Variants in OSBPL9 observed in about 807,000 individuals in gnomAD.
The protein encoded by OSBPL9 is oxysterol binding protein like 9.
Under a neutral mutation model 106.6 loss-of-function variants are expected in OSBPL9, and 40 were observed. The observed-to-expected ratio is 0.38, with a 90% CI of 0.29 to 0.49. The LOEUF (loss-of-function observed/expected upper bound fraction) is 0.49. Among genes scored for constraint, OSBPL9 ranks in the 20% least tolerant of loss-of-function variants. The pLI is 0.97. For missense variants in OSBPL9, 609 were observed against 887.2 expected, an observed-to-expected ratio of 0.69 and a Z score of 3.98; for synonymous variants, 269 against 295.4, an observed-to-expected ratio of 0.91 and a Z score of 0.92.
chr1:51,601,389 G>C (rs1645324811), intron 2 of OSBPL9, among the ~76,000 whole-genome samples: 1 of 152,174 alleles, frequency 6.6e-6, no homozygotes, highest in Non-Finnish European at 1.5e-5. Flanking sequence ...GGTTCTGCAG[G>C]GCTAGCTGGA....
At chr1:51,581,063 G>A (rs1645219281) in intron 1 of OSBPL9, among the ~76,000 whole-genome samples, 1 of 146,752 alleles carries the variant, frequency 6.8e-6, no homozygotes, top group South Asian at 2.2e-4. Flanking sequence ...CCTACCTCAG[G>A]CACGTGCCAC....
In OSBPL9 at chr1:51,700,944, AT is replaced by A. The variant is rs369435948; in HGVS notation, c.242-13047del. On this transcript the variant is annotated intron_variant, in intron 3 of 23. Coordinates refer to ENST00000428468, the MANE Select transcript of OSBPL9 (RefSeq NM_024586.6). ...AGTCCTTCTACACTTATTCATTGTAATTTTTTTTTTTTGAGATGGAGTCTCC... is the reference window on the plus strand; with the variant it reads ...AGTCCTTCTACACTTATTCATTGTAATTTTTTTTTTTGAGATGGAGTCTCC... 2.6e-3 allele frequency among the ~76,000 whole-genome samples: 372 copies of A among 145,794 alleles called. 3 individuals are homozygous for A. The highest frequency in any genetic ancestry group is 8.1e-3 in the African/African-American group (325 of 39,960).
chr1:51,772,114 A>G lies in OSBPL9; in HGVS notation c.983A>G (p.Asn328Ser), dbSNP rs139175194. Reference protein sequence around the residue: ...ASVLTHSSSGNSLKRPDTTES... With the variant: ...ASVLTHSSSGSSLKRPDTTES... The stretch of plus-strand genomic sequence containing the variant: ...GTCCTGACACACAGCAGCTCGGGAA[A>G]TAGTCTAAAACGCCCAGATACCACA... Residue 328 changes from asparagine (N) to serine (S), a missense_variant, in exon 13 of 24, where the codon AAT becomes AGT. Physicochemically the swap from Asn to Ser is conservative, Grantham distance 46 (BLOSUM62 1). Transcript: ENST00000428468. 385 of 1,614,090 alleles carry G rather than the reference A, an allele frequency of 2.4e-4. 2 individuals are homozygous for G. The East Asian group carries it at 5.8e-3, about 24-fold the overall frequency.
At chr1:51,669,624 C>A (rs759377607) in intron 3 of OSBPL9, 112 bp downstream of exon 3, 3 of 950,342 alleles carry the variant, frequency 3.2e-6, no homozygotes, top group African/African-American at 3.3e-5. Flanking sequence ...CCTGCATGAA[C>A]GAGTGCATAG....
At chr1:51,724,473 C>T (rs12022926) in intron 4 of OSBPL9, among the ~76,000 whole-genome samples, 5,538 of 151,028 alleles carry the variant, frequency 0.037, 240 homozygotes, top group East Asian at 0.11. Context: ...TTAGTAGAGA[C>T]GGGGGTTCCA....
intron 3 of OSBPL9, among the ~76,000 whole-genome samples, chr1:51,688,659 TA>T (rs1654335771): frequency 6.6e-6 from 1 of 152,158 alleles, no homozygotes; most frequent in Non-Finnish European, 1.5e-5. Flanking sequence ...AAAAGAATTT[TA>T]AAAAAGTTTT....
At chr1:51,547,471 G>A in the OSBPL9 span, among the ~76,000 whole-genome samples, 134 of 152,136 alleles carry the variant, frequency 8.8e-4, no homozygotes, top group Non-Finnish European at 1.1e-3. Flanking sequence ...TATAAGAACA[G>A]ATACAAATAA....
chr1:51,667,701 T>G (rs1557663302), intron 2 of OSBPL9, among the ~76,000 whole-genome samples: 1 of 152,210 alleles, frequency 6.6e-6, no homozygotes, highest in Non-Finnish European at 1.5e-5. Context: ...GAAGGTTAAC[T>G]CAGTTAATCA....
chr1:51,776,759 T>C, intron 14 of OSBPL9, 74 bp from the exon 15 acceptor site: 2 of 1,041,196 alleles, frequency 1.9e-6, no homozygotes, highest in Middle Eastern at 2.1e-4. Context: ...TGTTTTGTTT[T>C]CTTTTTTTTT....
intron 2 of OSBPL9, among the ~76,000 whole-genome samples, chr1:51,605,017 G>A (rs1643935914): frequency 6.6e-6 from 1 of 152,138 alleles, no homozygotes; most frequent in Non-Finnish European, 1.5e-5. Flanking sequence ...TTATGCTTTT[G>A]CCCTACTACA....
Position 51,788,987 on chromosome 1 carries a change from G to T in OSBPL9, c.*1198G>T, listed in dbSNP as rs928546969. On this transcript the variant is annotated 3_prime_UTR_variant, in exon 24 of 24. Coordinates refer to ENST00000428468, the MANE Select transcript of OSBPL9 (RefSeq NM_024586.6). ...CTCAGTCTGAGAGGACACAGGCCAG[G>T]GCTTCTCAAAGTGCTGCTGCAGGCT... 1.3e-5 allele frequency among the ~76,000 whole-genome samples: 2 copies of T among 152,096 alleles called. No individual in the cohort carries two copies. The highest frequency in any genetic ancestry group is 4.8e-5 in the African/African-American group (2 of 41,400).
At chr1:51,558,246 C>G in the OSBPL9 span, among the ~76,000 whole-genome samples, 27 of 151,900 alleles carry the variant, frequency 1.8e-4, no homozygotes, top group South Asian at 4.4e-3. Context: ...TGCCACTGCA[C>G]TCCAGCCTGG....
intron 2 of OSBPL9, among the ~76,000 whole-genome samples, chr1:51,607,376 G>T (rs555085384): frequency 1.2e-4 from 19 of 152,046 alleles, no homozygotes; most frequent in African/African-American, 4.3e-4. Flanking sequence ...TGGCCAGGCT[G>T]ATCTCAAACT....
At chr1:51,521,889 C>T in the OSBPL9 span, among the ~76,000 whole-genome samples, 1 of 152,096 alleles carries the variant, frequency 6.6e-6, no homozygotes, top group Non-Finnish European at 1.5e-5. Flanking sequence ...TCCTGAGTAG[C>T]TAGGATTACA....
chr1:51,540,620 C>T, the OSBPL9 span, among the ~76,000 whole-genome samples: 1 of 150,458 alleles, frequency 6.6e-6, no homozygotes, highest in Admixed American at 6.6e-5. Context: ...CACCACTGCA[C>T]TCCAGCCTGG....
At chr1:51,528,441 G>T in the OSBPL9 span, among the ~76,000 whole-genome samples, 1 of 152,106 alleles carries the variant, frequency 6.6e-6, no homozygotes, top group East Asian at 1.9e-4. Flanking sequence ...CGACCTGGGA[G>T]GCTGAGGCAG....
chr1:51,562,523 C>T, the OSBPL9 span, among the ~76,000 whole-genome samples: 1 of 152,138 alleles, frequency 6.6e-6, no homozygotes, highest in African/African-American at 2.4e-5. Context: ...GACTAATACA[C>T]CAATTGATTT....
intron 3 of OSBPL9, among the ~76,000 whole-genome samples, chr1:51,694,758 G>C (rs934827959): frequency 6.6e-6 from 1 of 152,008 alleles, no homozygotes; most frequent in African/African-American, 2.4e-5. Context: ...TGTTGATATT[G>C]CTCCAAACTA....
intron 1 of OSBPL9, among the ~76,000 whole-genome samples, chr1:51,631,821 C>T (rs1645124130): frequency 6.6e-6 from 1 of 152,284 alleles, no homozygotes; most frequent in South Asian, 2.1e-4. Flanking sequence ...GGCAAGGGGG[C>T]ATTGGCTAGA....
Sources: allele counts gnomAD v4.1 joint callset (sites outside exome capture counted in the v4.1 genomes callset), GRCh38; gene constraint gnomAD v4.1.1; transcripts MANE v1.5; gene names NCBI Gene and HGNC (gene_info 2026-07-23, HGNC 2026-07-21).